L3MBTL4: variants seen among roughly 807,000 people sequenced by gnomAD.
L3MBTL4 encodes the protein L3MBTL histone methyl-lysine binding protein 4, also known as lethal(3)malignant brain tumor-like protein 4.
Under a neutral mutation model 84.5 loss-of-function variants are expected in L3MBTL4, and 70 were observed. That is an observed-to-expected ratio of 0.83 (90% CI 0.68 to 1.01). The LOEUF (loss-of-function observed/expected upper bound fraction) is 1.01, where lower values mean the gene tolerates loss of function less well. Ranked by LOEUF, L3MBTL4 falls within the 50% of genes least tolerant of loss-of-function variation. The pLI is 0.00. For missense variants in L3MBTL4, 715 were observed against 754.8 expected, an observed-to-expected ratio of 0.95 and a Z score of 0.62; for synonymous variants, 274 against 259.8, an observed-to-expected ratio of 1.05 and a Z score of -0.52.
At position 6,001,984 on chromosome 18, in the gene L3MBTL4, T is replaced by C. The variant is rs903064894; in HGVS notation, c.1445-32422A>G. Among the ~76,000 whole-genome samples, 7 of 152,110 alleles carry C rather than the reference T, an allele frequency of 4.6e-5. No homozygotes were observed. The East Asian group carries it at 1.2e-3, about 25-fold the overall frequency. The stretch of plus-strand genomic sequence containing the variant: ...AAGTAAACCTCAAGAAGACCCACAA[T>C]GAGACATACTATAATCGAACTTTCA... On this transcript the variant is annotated intron_variant, in intron 16 of 18. Coordinates refer to ENST00000317931, the MANE Select transcript of L3MBTL4 (RefSeq NM_001330559.2).
At chr18:6,094,170 G>C (rs374660249) in intron 14 of L3MBTL4, among the ~76,000 whole-genome samples, 7 of 152,092 alleles carry the variant, frequency 4.6e-5, no homozygotes, top group South Asian at 2.1e-4. Context: ...GCAGGCTATG[G>C]GCAGAAGGAT....
chr18:6,225,483 G>T (rs944408663), intron 10 of L3MBTL4, among the ~76,000 whole-genome samples: 1 of 152,296 alleles, frequency 6.6e-6, no homozygotes, highest in South Asian at 2.1e-4. Context: ...AGGGTGGCCA[G>T]GCACAGTGGC....
intron 10 of L3MBTL4, among the ~76,000 whole-genome samples, chr18:6,229,932 T>G (rs2046926242): frequency 6.6e-6 from 1 of 152,144 alleles, no homozygotes. Context: ...TTTGTTCTTT[T>G]TCATGATTGT....
chr18:6,295,309 ACT>A (rs58507219), intron 4 of L3MBTL4, among the ~76,000 whole-genome samples: 1,189 of 62,600 alleles, frequency 0.019, 16 homozygotes, highest in East Asian at 0.063. Flanking sequence ...AACAACAACA[ACT>A]CTCTCTCTCT....
chr18:6,046,906 A>G, intron 16 of L3MBTL4: 1 of 524,886 alleles, frequency 1.9e-6, no homozygotes, highest in East Asian at 3.0e-5. Flanking sequence ...CTAAAATCAG[A>G]GCAGAACTGA....
At chr18:6,300,989 A>G (rs1285306472) in intron 4 of L3MBTL4, among the ~76,000 whole-genome samples, 1 of 152,198 alleles carries the variant, frequency 6.6e-6, no homozygotes. Flanking sequence ...AAGAAATTTA[A>G]AGCACCACCC....
intron 12 of L3MBTL4, among the ~76,000 whole-genome samples, chr18:6,185,436 G>A (rs1249430004): frequency 6.6e-6 from 1 of 152,174 alleles, no homozygotes; most frequent in Non-Finnish European, 1.5e-5. Context: ...GACAGGAGGA[G>A]AGGGAGGCTG....
Position 5,956,086 on chromosome 18 carries a change from A to G in L3MBTL4, c.*134T>C, listed in dbSNP as rs192768205. 7 of 787,996 alleles carry G rather than the reference A, an allele frequency of 8.9e-6. No individual in the cohort carries two copies. The highest frequency in any genetic ancestry group is 4.7e-5 in the Admixed American group (2 of 42,186). 48.8% of individuals were successfully genotyped at this position (787,996 alleles called of 1,614,324 possible). On this transcript the variant is annotated 3_prime_UTR_variant, in exon 19 of 19. Coordinates refer to ENST00000317931, the MANE Select transcript of L3MBTL4 (RefSeq NM_001330559.2). The stretch of plus-strand genomic sequence containing the variant: ...TCAAAATCCTCTAAACATGTAAACA[A>G]ATCACAGACACTTTAAAAAGTCCAG...
chr18:6,308,675 A>G (rs1961784540), intron 3 of L3MBTL4, among the ~76,000 whole-genome samples: 1 of 152,306 alleles, frequency 6.6e-6, no homozygotes, highest in Admixed American at 6.5e-5. Context: ...AAGCAGAACA[A>G]CGAGCAGAAT....
rs551344559 is a variant in L3MBTL4 at position 5,958,679 on chromosome 18, C to A, written c.1677+1415G>T. Among the ~76,000 whole-genome samples, 39 of 152,258 alleles carry A rather than the reference C, an allele frequency of 2.6e-4. No homozygotes were observed. The South Asian group carries it at 8.1e-3, about 32-fold the overall frequency. The stretch of plus-strand genomic sequence containing the variant: ...AGAGCTTGTTGGAGCCCAGAGGAGA[C>A]CCTCTGCTATATACTGCTGCCTTTA... On this transcript the variant is annotated intron_variant, in intron 18 of 18. Transcript: ENST00000317931.
intron 1 of L3MBTL4, among the ~76,000 whole-genome samples, chr18:6,337,533 A>G (rs1474314703): frequency 6.6e-6 from 1 of 152,114 alleles, no homozygotes; most frequent in Non-Finnish European, 1.5e-5. Context: ...ATTTATATAA[A>G]GTTCAATAAC....
intron 1 of L3MBTL4, among the ~76,000 whole-genome samples, chr18:6,362,511 A>G (rs2144039641): frequency 6.6e-6 from 1 of 152,292 alleles, no homozygotes; most frequent in South Asian, 2.1e-4. Flanking sequence ...GAGGATGGCT[A>G]CCTTCATTTA....
At chr18:6,329,769 T>G (rs1229632574) in intron 1 of L3MBTL4, among the ~76,000 whole-genome samples, 1 of 152,146 alleles carries the variant, frequency 6.6e-6, no homozygotes, top group Non-Finnish European at 1.5e-5. Context: ...CATTAATCCA[T>G]TCACCCATTA....
rs1599470484 is a variant in L3MBTL4, at chr18:6,282,665, C to T, written c.128-18627G>A. ...CCTATCCTACAGGCAATGGGAAGCACTGGAAAGGTTTTAAGCAAAGGAAAG... is the reference window on the plus strand; with the variant it reads ...CCTATCCTACAGGCAATGGGAAGCATTGGAAAGGTTTTAAGCAAAGGAAAG... On this transcript the variant is annotated intron_variant, in intron 4 of 18. Coordinates refer to ENST00000317931, the MANE Select transcript of L3MBTL4 (RefSeq NM_001330559.2). Among the ~76,000 whole-genome samples the T allele has an allele frequency of 3.9e-5, 6 of 152,226 alleles. No individual in the cohort carries two copies. In the East Asian group the frequency reaches 9.7e-4, roughly 25 times the overall value.
chr18:6,340,886 T>A (rs1177099317), intron 1 of L3MBTL4, among the ~76,000 whole-genome samples: 3 of 152,112 alleles, frequency 2.0e-5, no homozygotes, highest in African/African-American at 7.2e-5. Context: ...CTCTGCTAGA[T>A]TGGGATAATG....
chr18:6,030,369 G>A (rs1205190737), intron 16 of L3MBTL4: 2 of 985,208 alleles, frequency 2.0e-6, no homozygotes, highest in Admixed American at 6.1e-5. Flanking sequence ...CCTAGTCTGG[G>A]AGAATTAGAC....
chr18:6,295,313 T>TCTCTCTCTCTCC (rs2050048305), intron 4 of L3MBTL4, among the ~76,000 whole-genome samples: 2 of 98,824 alleles, frequency 2.0e-5, no homozygotes, highest in African/African-American at 1.0e-4. Context: ...ACAACAACTC[T>TCTCTCTCTCTCC]CTCTCTCTCT....
intron 12 of L3MBTL4, among the ~76,000 whole-genome samples, chr18:6,193,327 A>G (rs2045215634): frequency 6.6e-6 from 1 of 152,152 alleles, no homozygotes; most frequent in Non-Finnish European, 1.5e-5. Flanking sequence ...GCCTATAAAT[A>G]CGAGGAATAG....
chr18:5,990,981 C>T (rs530812541), intron 16 of L3MBTL4, among the ~76,000 whole-genome samples: 27 of 152,242 alleles, frequency 1.8e-4, no homozygotes, highest in African/African-American at 6.0e-4. Flanking sequence ...TCTCTGATCT[C>T]GTCTCTTGCC....
Sources: allele counts gnomAD v4.1 joint callset (sites outside exome capture counted in the v4.1 genomes callset), GRCh38; gene constraint gnomAD v4.1.1; transcripts MANE v1.5; gene names NCBI Gene and HGNC (gene_info 2026-07-23, HGNC 2026-07-21).